ARAP2: variants seen among roughly 807,000 people sequenced by gnomAD.
ARAP2 encodes arf-GAP with Rho-GAP domain, ANK repeat and PH domain-containing protein 2.
A neutral mutation model predicts 194.5 loss-of-function variants in ARAP2; 148 were observed. The observed-to-expected ratio is 0.76, with a 90% CI of 0.67 to 0.87. The LOEUF (loss-of-function observed/expected upper bound fraction) is 0.87. Among genes scored for constraint, ARAP2 ranks in the 40% least tolerant of loss-of-function variants. The pLI is 0.00. For missense variants in ARAP2, 2,128 were observed against 1,989.7 expected (o/e 1.07, Z -1.32); for synonymous variants, 695 against 683.5 (o/e 1.02, Z -0.26).
At chr4:36,156,026 A>G (rs1732202482) in intron 15 of ARAP2, among the ~76,000 whole-genome samples, 1 of 152,036 alleles carries the variant, frequency 6.6e-6, no homozygotes, top group South Asian at 2.1e-4. Context: ...TCATGCCTGT[A>G]ATCCCAGCAC....
intron 6 of ARAP2, among the ~76,000 whole-genome samples, chr4:36,203,503 G>C (rs147802907): frequency 6.3e-4 from 96 of 152,228 alleles, no homozygotes; most frequent in African/African-American, 2.3e-3. Context: ...AGAATTGCTT[G>C]AACCTGGGAG....
intron 1 of ARAP2, among the ~76,000 whole-genome samples, chr4:36,240,885 C>T (rs958984019): frequency 6.6e-6 from 1 of 152,116 alleles, no homozygotes; most frequent in Admixed American, 6.6e-5. Context: ...GTACAAATTC[C>T]TTTACTTAGT....
chr4:36,106,099 G>C (rs1265459335), intron 27 of ARAP2, among the ~76,000 whole-genome samples: 1 of 150,196 alleles, frequency 6.7e-6, no homozygotes, highest in Non-Finnish European at 1.5e-5. Context: ...CAATCTCCAA[G>C]TTGTGACAGT....
chr4:36,058,571 A>G (rs1224169712), intron 1 of ARAP2, among the ~76,000 whole-genome samples: 1 of 152,262 alleles, frequency 6.6e-6, no homozygotes, highest in Admixed American at 6.5e-5. Context: ...TTCCAGCAAC[A>G]GCCGAGTTTG....
chr4:36,143,069 TTA>T (rs1340528698), intron 19 of ARAP2, among the ~76,000 whole-genome samples: 8 of 151,762 alleles, frequency 5.3e-5, no homozygotes, highest in Non-Finnish European at 1.2e-4. Flanking sequence ...AAACATATGT[TTA>T]TGTGTCTATG....
At chr4:36,108,964 T>G (rs1454634600) in intron 26 of ARAP2, among the ~76,000 whole-genome samples, 1 of 151,986 alleles carries the variant, frequency 6.6e-6, no homozygotes, top group Admixed American at 6.6e-5. Flanking sequence ...CTGAGCTTTT[T>G]GTTTTCGGTT....
Position 36,177,904 on chromosome 4 carries a change from G to A in ARAP2, c.1780C>T (p.Leu594Phe). The A allele has an allele frequency of 1.2e-6, 2 of 1,613,570 alleles. No homozygotes were observed. Among genetic ancestry groups the A allele is most frequent in the Middle Eastern group, 1.7e-4 (1 of 6,056 alleles). ...AVVTPEKCGY[L>F]ELRGYKAKIF... ...TTTGCCTTATAGCCTCTCAATTCAA[G>A]ATATCCACATTTCTCAGGTGTAACA... The change falls in exon 9 of 33, where the codon CTT becomes TTT. Residue 594 changes from leucine (L) to phenylalanine (F), a missense_variant. Transcript: ENST00000303965.
intron 13 of ARAP2, 46 bp downstream of exon 13, chr4:36,160,413 A>T: frequency 7.0e-7 from 1 of 1,422,082 alleles, no homozygotes; most frequent in Non-Finnish European, 9.3e-7. Context: ...GCACATCATT[A>T]AAAAGACATT....
intron 6 of ARAP2, among the ~76,000 whole-genome samples, chr4:36,199,301 A>T (rs554872864): frequency 7.2e-5 from 11 of 152,208 alleles, no homozygotes; most frequent in East Asian, 3.9e-4. Flanking sequence ...ATTAAAAAAA[A>T]TTTTTTTTGA....
chr4:36,210,117 G>T (rs1011661281), intron 6 of ARAP2, among the ~76,000 whole-genome samples: 3 of 152,130 alleles, frequency 2.0e-5, no homozygotes, highest in African/African-American at 7.2e-5. Flanking sequence ...TGCGAACTTA[G>T]AAGGTAACAT....
At chr4:36,191,338 G>C (rs1741851936) in intron 7 of ARAP2, among the ~76,000 whole-genome samples, 1 of 151,936 alleles carries the variant, frequency 6.6e-6, no homozygotes, top group African/African-American at 2.4e-5. Context: ...CTGTTAAAGA[G>C]AAAACAATTC....
intron 8 of ARAP2, among the ~76,000 whole-genome samples, 184 bp downstream of exon 8, chr4:36,187,267 G>C (rs1488239283): frequency 6.6e-6 from 1 of 152,032 alleles, no homozygotes; most frequent in East Asian, 1.9e-4. Context: ...GCATGAAAGA[G>C]GAAACAAATA....
chr4:36,197,640 T>C (rs529565844), intron 6 of ARAP2, among the ~76,000 whole-genome samples: 23 of 152,194 alleles, frequency 1.5e-4, no homozygotes, highest in Non-Finnish European at 3.4e-4. Context: ...ATCCCATCAC[T>C]GCCAACGGCA....
chr4:36,070,589 C>A (rs1726612378), intron 32 of ARAP2, among the ~76,000 whole-genome samples: 1 of 152,164 alleles, frequency 6.6e-6, no homozygotes, highest in Non-Finnish European at 1.5e-5. Flanking sequence ...GTTCTCACAG[C>A]AAATCATTCA....
intron 5 of ARAP2, among the ~76,000 whole-genome samples, chr4:36,024,197 T>C (rs36066032): frequency 0.061 from 9,297 of 152,252 alleles, 400 homozygotes; most frequent in Middle Eastern, 0.14. Context: ...GTGAATAGCA[T>C]GGAAATCAGA....
chr4:36,219,771 C>T (rs909122784), intron 2 of ARAP2, among the ~76,000 whole-genome samples: 3 of 151,648 alleles, frequency 2.0e-5, no homozygotes, highest in Non-Finnish European at 2.9e-5. Flanking sequence ...AAATATCTAA[C>T]AAAATTAAGA....
intron 21 of ARAP2, among the ~76,000 whole-genome samples, chr4:36,127,778 TA>T (rs1724317208): frequency 6.6e-6 from 1 of 151,708 alleles, no homozygotes; most frequent in African/African-American, 2.4e-5. Context: ...TTAATAAAAA[TA>T]AAAATGTCAT....
intron 21 of ARAP2, 98 bp downstream of exon 21, chr4:36,128,435 G>A: frequency 1.1e-6 from 1 of 886,808 alleles, no homozygotes; most frequent in Non-Finnish European, 1.7e-6. Context: ...GATGTTTAAA[G>A]TCTAAGTATT....
At chr4:36,148,338 G>T in intron 17 of ARAP2, 67 bp downstream of exon 17, 1 of 1,213,742 alleles carries the variant, frequency 8.2e-7, no homozygotes, top group Non-Finnish European at 1.2e-6. Context: ...GACCCCTGAA[G>T]CTCAAACACA....
Sources: gnomAD v4.1 joint callset for allele counts (sites outside exome capture counted in the v4.1 genomes callset) on GRCh38, gnomAD v4.1.1 for gene constraint, MANE v1.5 for transcripts, NCBI Gene and HGNC (gene_info 2026-07-23, HGNC 2026-07-21) for gene names.